The following HDAC9 variants were observed in gnomAD, a reference collection of about 807,000 sequenced individuals.
HDAC9 encodes histone deacetylase 9.
HDAC9 carries 41 observed loss-of-function variants against 139.4 expected under a neutral mutation model. The ratio of observed to expected loss-of-function variants is 0.29; its 90% confidence interval spans 0.23 to 0.38. The LOEUF is 0.38. Ranked by LOEUF, HDAC9 falls within the 10% of genes least tolerant of loss-of-function variation. The probability of loss-of-function intolerance (pLI) is 1.00; values close to 1 mark genes in which losing one functional copy is unlikely to be tolerated. For missense variants in HDAC9, 1,147 were observed against 1,297.0 expected (o/e 0.88, Z 1.78); for synonymous variants, 517 against 476.2 (o/e 1.09, Z -1.12).
rs1016609167 is a variant in HDAC9 at position 18,999,005 on chromosome 7, G to C, written c.*2943G>C. The C allele has an allele frequency of 6.6e-6, 1 of 152,140 alleles. No homozygotes were observed. The allele number at this position is 152,140 out of a possible 1,614,324, so 9.4% of individuals were successfully genotyped here. ...CAAAATGGACTCAAATAAAACCAGA[G>C]GCTATGTTACCATTGCTTAGTAAAT... On this transcript the variant is annotated 3_prime_UTR_variant, in exon 26 of 26. Coordinates refer to ENST00000686413, the MANE Select transcript of HDAC9 (RefSeq NM_178425.4).
At chr7:18,157,208 G>A (rs1034581106) in intron 1 of HDAC9, among the ~76,000 whole-genome samples, 2 of 152,244 alleles carry the variant, frequency 1.3e-5, no homozygotes, top group Non-Finnish European at 2.9e-5. Flanking sequence ...CTCATAGTCA[G>A]CTGATATGTT....
intron 8 of HDAC9, among the ~76,000 whole-genome samples, chr7:18,639,378 C>T (rs1584464072): frequency 6.6e-6 from 1 of 151,974 alleles, no homozygotes; most frequent in East Asian, 1.9e-4. Context: ...TAACATGAGT[C>T]AATATTTTAA....
chr7:18,495,773 G>C lies in HDAC9; in HGVS notation c.-292G>C. ...GGAAGAGAGGCACAGACACAGATAG[G>C]AGAAGGGCACCGGCTGGAGCCACTT... is the stretch of plus-strand genomic sequence containing the variant. On this transcript the variant is annotated 5_prime_UTR_variant, in exon 1 of 26. Coordinates refer to ENST00000686413, the MANE Select transcript of HDAC9 (RefSeq NM_178425.4). The C allele has an allele frequency of 3.0e-6, 3 of 995,338 alleles. No individual in the cohort carries two copies. The highest frequency in any genetic ancestry group is 3.6e-6 in the Non-Finnish European group (3 of 836,760). The allele number at this position is 995,338 out of a possible 1,614,324, so 61.7% of individuals were successfully genotyped here.
intron 17 of HDAC9, among the ~76,000 whole-genome samples, chr7:18,818,495 A>C (rs147916794): frequency 2.0e-4 from 30 of 152,330 alleles, no homozygotes; most frequent in African/African-American, 7.2e-4. Flanking sequence ...ATCTCTTGTC[A>C]GTTTATAAAT....
At chr7:18,862,095 T>C (rs1202804212) in intron 21 of HDAC9, among the ~76,000 whole-genome samples, 1 of 152,200 alleles carries the variant, frequency 6.6e-6, no homozygotes, top group Non-Finnish European at 1.5e-5. Flanking sequence ...AATTTTGTTC[T>C]TGCAGTGAAA....
chr7:18,766,464 G>T (rs1050969051), intron 15 of HDAC9, among the ~76,000 whole-genome samples: 11 of 152,184 alleles, frequency 7.2e-5, no homozygotes, highest in African/African-American at 2.6e-4. Flanking sequence ...TATTGATATT[G>T]ATGTTATATA....
At chr7:18,553,462 C>T (rs191832520) in intron 2 of HDAC9, among the ~76,000 whole-genome samples, 8 of 152,220 alleles carry the variant, frequency 5.3e-5, no homozygotes, top group Admixed American at 2.6e-4. Context: ...CTTTTAAAGG[C>T]AATACGTGCT....
intron 1 of HDAC9, among the ~76,000 whole-genome samples, chr7:18,339,449 T>A (rs527592594): frequency 2.0e-5 from 3 of 151,402 alleles, no homozygotes; most frequent in Non-Finnish European, 3.0e-5. Flanking sequence ...TCTGCAGATT[T>A]TGATATGTTT....
Position 18,997,987 on chromosome 7 carries a change from A to T in HDAC9, c.*1925A>T, listed in dbSNP as rs1786559777. 1 of 152,172 alleles carries T rather than the reference A, an allele frequency of 6.6e-6. No individual in the cohort carries two copies. Among genetic ancestry groups the T allele is most frequent in the Non-Finnish European group, 1.5e-5 (1 of 68,008 alleles). 9.4% of individuals were successfully genotyped at this position (152,172 alleles called of 1,614,324 possible). A position where few individuals can be genotyped will look rare whatever the true frequency, so the allele number is the denominator to read the frequency against. Reference sequence around the variant, plus strand: ...CAGTCTAGATTCATAGTAGTAATCAATTTTTTATAAATTTTATTTTCATGA... The same window carrying T: ...CAGTCTAGATTCATAGTAGTAATCATTTTTTTATAAATTTTATTTTCATGA... On this transcript the variant is annotated 3_prime_UTR_variant, in exon 26 of 26. Coordinates refer to ENST00000686413, the MANE Select transcript of HDAC9 (RefSeq NM_178425.4).
chr7:18,742,559 A>C (rs1174458489), intron 13 of HDAC9, among the ~76,000 whole-genome samples: 1 of 152,178 alleles, frequency 6.6e-6, no homozygotes, highest in Admixed American at 6.5e-5. Context: ...CTTTATTCGG[A>C]TGATTTGGAA....
In HDAC9 at chr7:18,975,916, G is replaced by T. The variant is rs756364439; in HGVS notation, c.3133G>T (p.Val1045Leu). The change falls in exon 25 of 26, where the codon GTG (valine) becomes TTG (leucine). Residue 1045 changes from valine (V) to leucine (L), a missense_variant. By Grantham distance (32) the Val-to-Leu change is conservative. Coordinates refer to ENST00000686413, the MANE Select transcript of HDAC9 (RefSeq NM_178425.4). ...ETVSALASLT[V>L]DVEQPFAQED... ...CGTTTCTGCCCTGGCCTCCCTAACA[G>T]TGGATGTGGAACAGCCCTTTGCTCA... 1 of 1,613,904 alleles carries T rather than the reference G, an allele frequency of 6.2e-7. No individual in the cohort carries two copies. The highest frequency in any genetic ancestry group is 8.5e-7 in the Non-Finnish European group (1 of 1,179,842).
chr7:18,500,413 A>G (rs1798062965), intron 2 of HDAC9, among the ~76,000 whole-genome samples: 1 of 152,172 alleles, frequency 6.6e-6, no homozygotes. Context: ...AGCAAAGAAA[A>G]TGATATAACC....
At chr7:18,225,069 A>G (rs1037103255) in intron 2 of HDAC9, among the ~76,000 whole-genome samples, 1 of 152,192 alleles carries the variant, frequency 6.6e-6, no homozygotes, top group South Asian at 2.1e-4. Context: ...CTCAGTAGCT[A>G]AATAAAGAAC....
chr7:18,957,332 C>T (rs1783222462), intron 24 of HDAC9, among the ~76,000 whole-genome samples: 2 of 152,076 alleles, frequency 1.3e-5, no homozygotes, highest in Non-Finnish European at 2.9e-5. Context: ...GCAATAAAAT[C>T]GAGTGGGTAT....
exon 1 of HDAC9, chr7:18,290,476 A>G (rs1797733612): frequency 2.2e-6 from 1 of 456,634 alleles, no homozygotes; most frequent in Non-Finnish European, 4.4e-6. Context: ...TTGCGAAACC[A>G]CAGCACACTT....
At chr7:18,905,971 C>CTTCTCTCCTTCCTTCCTTA (rs1802214128) in intron 22 of HDAC9, among the ~76,000 whole-genome samples, 1 of 147,274 alleles carries the variant, frequency 6.8e-6, no homozygotes, top group Admixed American at 6.8e-5. Context: ...TTCCTTCCTT[C>CTTCTCTCCTTCCTTCCTTA]CTTCTCTCCT....
intron 2 of HDAC9, among the ~76,000 whole-genome samples, chr7:18,257,742 TA>T (rs1293466040): frequency 6.6e-6 from 1 of 152,206 alleles, no homozygotes; most frequent in Non-Finnish European, 1.5e-5. Flanking sequence ...TGAATATCCT[TA>T]AAAACATCCT....
intron 2 of HDAC9, chr7:18,260,399 A>G (rs1457210193): frequency 6.8e-6 from 1 of 147,686 alleles, no homozygotes; most frequent in Non-Finnish European, 1.5e-5. Flanking sequence ...GCTCACTGCA[A>G]GCTCCACCAC....
intron 2 of HDAC9, among the ~76,000 whole-genome samples, chr7:18,566,544 G>A (rs898713043): frequency 9.2e-5 from 14 of 152,234 alleles, no homozygotes; most frequent in African/African-American, 3.4e-4. Flanking sequence ...AGGTGGGGAG[G>A]GAATAGCTTT....
Sources: allele counts gnomAD v4.1 joint callset (sites outside exome capture counted in the v4.1 genomes callset), GRCh38; gene constraint gnomAD v4.1.1; transcripts MANE v1.5; gene names NCBI Gene and HGNC (gene_info 2026-07-23, HGNC 2026-07-21).